The following SPRED2 variants were observed in gnomAD, a reference collection of about 807,000 sequenced individuals.
SPRED2 encodes the protein sprouty-related, EVH1 domain-containing protein 2.
SPRED2 carries 47 observed loss-of-function variants against 43.0 expected under a neutral mutation model. The ratio of observed to expected loss-of-function variants is 1.09; its 90% CI spans 0.87 to 1.40. The LOEUF is 1.40. SPRED2 is among the 40% of genes most tolerant of loss of function. SPRED2 has a pLI of 0.00. For missense variants in SPRED2, 561 were observed against 586.4 expected, an observed-to-expected ratio of 0.96 and a Z score of 0.45; for synonymous variants, 225 against 225.7, an observed-to-expected ratio of 1.00 and a Z score of 0.03.
chr2:65,326,516 A>G (rs1163611370), intron 4 of SPRED2, among the ~76,000 whole-genome samples: 1 of 152,176 alleles, frequency 6.6e-6, no homozygotes, highest in East Asian at 1.9e-4. Context: ...ATTCTTTCAC[A>G]ATCCCAGCTA....
chr2:65,384,445 A>C (rs1203225133), intron 1 of SPRED2, among the ~76,000 whole-genome samples: 2 of 152,218 alleles, frequency 1.3e-5, no homozygotes, highest in Non-Finnish European at 2.9e-5. Flanking sequence ...GGCCTGGTAC[A>C]AAATGAAAAT....
intron 1 of SPRED2, among the ~76,000 whole-genome samples, chr2:65,365,806 A>G (rs1362346614): frequency 1.3e-5 from 2 of 152,226 alleles, no homozygotes; most frequent in Non-Finnish European, 2.9e-5. Flanking sequence ...AATACACTCA[A>G]ATAAATAAGA....
chr2:65,412,877 T>C (rs940534911), intron 1 of SPRED2, among the ~76,000 whole-genome samples: 1 of 152,168 alleles, frequency 6.6e-6, no homozygotes, highest in African/African-American at 2.4e-5. Flanking sequence ...AGTCCTACAG[T>C]TAAACTTTTC....
At position 65,313,175 on chromosome 2, in the gene SPRED2, A is replaced by G. The variant is rs996034845; in HGVS notation, c.*326T>C. 4.7e-6 allele frequency: 5 copies of G among 1,057,262 alleles called. No individual in the cohort carries two copies. The highest frequency in any genetic ancestry group is 5.4e-5 in the Admixed American group (1 of 18,626). 65.5% of individuals were successfully genotyped at this position (1,057,262 alleles called of 1,614,324 possible). On this transcript the variant is annotated 3_prime_UTR_variant, in exon 6 of 6. Coordinates refer to ENST00000356388, the MANE Select transcript of SPRED2 (RefSeq NM_181784.3). ...GAACTGGAAGAGGCGGGGGAGGAGG[A>G]AACAGGAAATCAACACATGGATGAG...
intron 2 of SPRED2, among the ~76,000 whole-genome samples, chr2:65,342,665 C>T (rs979090769): frequency 6.6e-6 from 1 of 152,076 alleles, no homozygotes; most frequent in Non-Finnish European, 1.5e-5. Context: ...GGGGAAGAAC[C>T]TTAATATTTG....
At chr2:65,366,024 T>A (rs2104328730) in intron 1 of SPRED2, among the ~76,000 whole-genome samples, 1 of 135,862 alleles carries the variant, frequency 7.4e-6, no homozygotes, top group African/African-American at 2.6e-5. Context: ...AAATTGTGAT[T>A]TATAAAAACA....
At chr2:65,386,091 C>T (rs1675491535) in intron 1 of SPRED2, among the ~76,000 whole-genome samples, 1 of 150,592 alleles carries the variant, frequency 6.6e-6, no homozygotes, top group Non-Finnish European at 1.5e-5. Context: ...TTGAGACCAG[C>T]CTGGCCAACA....
chr2:65,310,979 T>G lies in SPRED2; in HGVS notation c.*2522A>C. ...ATCATACACTTGTATATATATTTTT[T>G]ACACAGAGGTAAAAAGGCTTATTAT... On this transcript the variant is annotated 3_prime_UTR_variant, in exon 6 of 6. Coordinates refer to ENST00000356388, the MANE Select transcript of SPRED2 (RefSeq NM_181784.3). 2 of 983,140 alleles carry G rather than the reference T, an allele frequency of 2.0e-6. No homozygotes were observed. The highest frequency in any genetic ancestry group is 1.2e-6 in the Non-Finnish European group (1 of 827,434). The allele number at this position is 983,140 out of a possible 1,614,324, so 60.9% of individuals were successfully genotyped here. A position where few individuals can be genotyped will look rare whatever the true frequency, so the allele number is the denominator to read the frequency against.
chr2:65,404,450 A>T (rs560008458), intron 1 of SPRED2, among the ~76,000 whole-genome samples: 1 of 152,186 alleles, frequency 6.6e-6, no homozygotes, highest in Non-Finnish European at 1.5e-5. Context: ...ATCTCCTCTC[A>T]TCTCTTTATT....
chr2:65,347,842 C>T (rs1372025261), intron 1 of SPRED2, among the ~76,000 whole-genome samples: 1 of 152,152 alleles, frequency 6.6e-6, no homozygotes, highest in Non-Finnish European at 1.5e-5. Flanking sequence ...CTAGTTCTCT[C>T]TTCAAAATAT....
chr2:65,414,949 T>C (rs1434916820), intron 1 of SPRED2, among the ~76,000 whole-genome samples: 2 of 152,172 alleles, frequency 1.3e-5, no homozygotes, highest in East Asian at 1.9e-4. Flanking sequence ...GTTGACTCTA[T>C]CCCGTTTAAA....
At chr2:65,321,366 A>G (rs1351070886) in intron 4 of SPRED2, among the ~76,000 whole-genome samples, 2 of 152,104 alleles carry the variant, frequency 1.3e-5, no homozygotes, top group African/African-American at 2.4e-5. Context: ...CTCAATGTCA[A>G]TGCCTGTTGC....
chr2:65,391,982 T>A (rs1013508530), intron 1 of SPRED2, among the ~76,000 whole-genome samples: 4 of 152,152 alleles, frequency 2.6e-5, no homozygotes, highest in Non-Finnish European at 5.9e-5. Flanking sequence ...GGTGTTTTTT[T>A]AAAAAGTATT....
rs929429648 is a variant in SPRED2, at chr2:65,311,784, T to C, written c.*1717A>G. 6.1e-6 allele frequency: 6 copies of C among 985,360 alleles called. No homozygotes were observed. The allele number at this position is 985,360 out of a possible 1,614,324, so 61.0% of individuals were successfully genotyped here. A position where few individuals can be genotyped will look rare whatever the true frequency, so the allele number is the denominator to read the frequency against. ...CTGGGTATTTACACCGGTAATCTAC[T>C]AAAGAAAATCGATGAGCTTGTGGAC... On this transcript the variant is annotated 3_prime_UTR_variant, in exon 6 of 6. Transcript: ENST00000356388.
chr2:65,382,735 C>CT (rs1170786181), intron 1 of SPRED2, among the ~76,000 whole-genome samples: 2 of 152,114 alleles, frequency 1.3e-5, no homozygotes, highest in African/African-American at 2.4e-5. Flanking sequence ...ACTTCACATT[C>CT]TTTTTTTTCT....
chr2:65,341,517 T>C (rs904046627), intron 2 of SPRED2, among the ~76,000 whole-genome samples: 4 of 152,122 alleles, frequency 2.6e-5, no homozygotes, highest in Admixed American at 6.6e-5. Flanking sequence ...CAGGCTTTGA[T>C]TTTGCAAAGA....
In SPRED2 at chr2:65,344,744, T is replaced by G; in HGVS notation, c.179A>C (p.His60Pro). Reference sequence around the variant, plus strand: ...CAGTTTGTCTTTCTGTCGTTCACCATGGATGAGAAAGCCGCTTCGTCCATT... The same window carrying G: ...CAGTTTGTCTTTCTGTCGTTCACCAGGGATGAGAAAGCCGCTTCGTCCATT... Reference protein sequence around the residue: ...EGNGRSGFLIHGERQKDKLVV... With the variant: ...EGNGRSGFLIPGERQKDKLVV... Residue 60 changes from histidine (H) to proline (P), a missense_variant, in exon 2 of 6, where the codon CAT becomes CCT. His to Pro is a moderately conservative substitution (Grantham distance 77). Around this residue, in one of 6 missense-constraint regions of SPRED2, gnomAD observed 305 missense variants for 282.4 expected, o/e 1.08. Transcript: ENST00000356388. 6.2e-7 allele frequency: 1 copy of G among 1,614,230 alleles called. No homozygotes were observed. Among genetic ancestry groups the G allele is most frequent in the Non-Finnish European group, 8.5e-7 (1 of 1,180,026 alleles).
rs879919711 is a variant in SPRED2, at chr2:65,408,651, G to A, written c.26+23311C>T. On this transcript the variant is annotated intron_variant, in intron 1 of 5. Transcript: ENST00000356388. The stretch of plus-strand genomic sequence containing the variant: ...GTCACCTAGGCTGGAGTGCAGTGGC[G>A]CGATCTGCAACCTCTGCCTTCTGGG... Among the ~76,000 whole-genome samples the A allele has an allele frequency of 1.2e-4, 18 of 151,636 alleles. 1 individual carries two copies. The East Asian group carries it at 3.3e-3, about 28-fold the overall frequency.
At chr2:65,341,439 C>G (rs1291400099) in intron 2 of SPRED2, among the ~76,000 whole-genome samples, 2 of 152,038 alleles carry the variant, frequency 1.3e-5, no homozygotes, top group Non-Finnish European at 2.9e-5. Context: ...AGCAGTTGGT[C>G]CACGACTCAG....
Sources: allele counts gnomAD v4.1 joint callset (sites outside exome capture counted in the v4.1 genomes callset), GRCh38; gene constraint gnomAD v4.1.1; regional missense constraint gnomAD v4.1.1; transcripts MANE v1.5; gene names NCBI Gene and HGNC (gene_info 2026-07-23, HGNC 2026-07-21).